The following PCDHB14 variants were observed in gnomAD, a reference collection of about 807,000 sequenced individuals.
PCDHB14 encodes protocadherin beta 14, also known as protocadherin beta-14.
For missense variants in PCDHB14, 1,129 were observed against 1,000.5 expected, an observed-to-expected ratio of 1.13 and a Z score of -1.73; for synonymous variants, 511 against 441.5, an observed-to-expected ratio of 1.16 and a Z score of -1.97.
chr5:141,224,853 A>T lies in PCDHB14; in HGVS notation c.1348A>T (p.Thr450Ser). The change falls in exon 1 of 1, where the codon ACC becomes TCC. Residue 450 changes from threonine (T) to serine (S), a missense_variant. Coordinates refer to ENST00000239449, the MANE Select transcript of PCDHB14 (RefSeq NM_018934.4). ...LLSDVNDNAP[T>S]FTQTSYTLFV... is the part of the protein sequence containing the mutation. ...CTCTGACGTCAATGACAACGCCCCCACCTTCACCCAAACCTCCTACACCCT... is the reference window on the plus strand; with the variant it reads ...CTCTGACGTCAATGACAACGCCCCCTCCTTCACCCAAACCTCCTACACCCT... 1 of 1,613,588 alleles carries T rather than the reference A, an allele frequency of 6.2e-7. No individual in the cohort carries two copies. The highest frequency in any genetic ancestry group is 8.5e-7 in the Non-Finnish European group (1 of 1,179,992).
In PCDHB14 at chr5:141,226,567, CT is replaced by C. The variant is rs1754866192; in HGVS notation, c.*666del. 2 of 152,068 alleles carry C rather than the reference CT, an allele frequency of 1.3e-5. No homozygotes were observed. Among genetic ancestry groups the C allele is most frequent in the East Asian group, 3.9e-4 (2 of 5,182 alleles). 9.4% of individuals were successfully genotyped at this position (152,068 alleles called of 1,614,324 possible). On this transcript the variant is annotated 3_prime_UTR_variant, in exon 1 of 1. Transcript: ENST00000239449. ...ACTCTTTGGTTTTCTTAATTTAATT[CT>C]ATTTATTTATGTTTTTTGAGACAGG...
Position 141,225,533 on chromosome 5 carries a change from G to A in PCDHB14, c.2028G>A (p.Ala676=), listed in dbSNP as rs1554289519. 1.9e-6 allele frequency: 3 copies of A among 1,609,684 alleles called. No homozygotes were observed. The highest frequency in any genetic ancestry group is 1.7e-5 in the Admixed American group (1 of 59,998). Residue 676 remains alanine (A), a synonymous_variant, in exon 1 of 1, where the codon GCG becomes GCA. Coordinates refer to ENST00000239449, the MANE Select transcript of PCDHB14 (RefSeq NM_018934.4). ...AGCCCTACCTGCCGCTCCCTGAGGC[G>A]GCCCCGGCCCAGGCCCAGGCCGACT... is the stretch of plus-strand genomic sequence containing the variant. The part of the protein sequence containing the change: ...FSQPYLPLPE[A]APAQAQADSL...
In PCDHB14 at chr5:141,225,043, T is replaced by C; in HGVS notation, c.1538T>C (p.Leu513Pro). Residue 513 changes from leucine to proline, a missense_variant, in exon 1 of 1, where the codon CTG becomes CCG. Coordinates refer to ENST00000239449, the MANE Select transcript of PCDHB14 (RefSeq NM_018934.4). Reference protein sequence around the residue: ...LVSINADNGHLFALRSLDYEA... With the variant: ...LVSINADNGHPFALRSLDYEA... ...TCCATCAACGCGGACAATGGCCACC[T>C]GTTTGCCCTCAGGTCGCTGGACTAC... 3 of 1,612,568 alleles carry C rather than the reference T, an allele frequency of 1.9e-6. No individual in the cohort carries two copies. Among genetic ancestry groups the C allele is most frequent in the Non-Finnish European group, 2.5e-6 (3 of 1,179,984 alleles).
rs375603265 is a variant in PCDHB14 at position 141,223,656 on chromosome 5, G to A, written c.151G>A (p.Asp51Asn). ...CTCTTTTGTGGCTAATCTAGCGAGG[G>A]ACCTAGGGCTGGGGGTGGAGGAGCT... The part of the protein sequence containing the change: ...IGSFVANLAR[D>N]LGLGVEELSS... The change falls in exon 1 of 1, where the codon GAC becomes AAC. Residue 51 changes from aspartate to asparagine, a missense_variant. By Grantham distance (23) the Asp-to-Asn change is conservative. Transcript: ENST00000239449. The A allele has an allele frequency of 6.2e-7, 1 of 1,614,176 alleles. No homozygotes were observed. Among genetic ancestry groups the A allele is most frequent in the African/African-American group, 1.3e-5 (1 of 75,050 alleles).
rs1373514137 is a variant in PCDHB14, at chr5:141,223,526, C to A, written c.21C>A (p.Leu7=). 3.7e-6 allele frequency: 6 copies of A among 1,610,670 alleles called. No homozygotes were observed. The highest frequency in any genetic ancestry group is 1.3e-5 in the African/African-American group (1 of 74,806). Residue 7 remains leucine (L), a synonymous_variant, in exon 1 of 1, where the codon CTC becomes CTA. Coordinates refer to ENST00000239449, the MANE Select transcript of PCDHB14 (RefSeq NM_018934.4). ...GAACCATGGAGATCAGAGGGGCACTCGATCTGCGAAAAAGGCAAGTTCTAA... is the reference window on the plus strand; with the variant it reads ...GAACCATGGAGATCAGAGGGGCACTAGATCTGCGAAAAAGGCAAGTTCTAA... MEIRGA[L]DLRKRQVLIF...
chr5:141,223,863 G>C lies in PCDHB14; in HGVS notation c.358G>C (p.Glu120Gln). Reference protein sequence around the residue: ...LENPLQFFRFELCVKDINDHS... With the variant: ...LENPLQFFRFQLCVKDINDHS... Reference sequence around the variant, plus strand: ...AAACCCTTTACAGTTTTTTCGGTTTGAGCTGTGTGTCAAAGACATAAATGA... The same window carrying C: ...AAACCCTTTACAGTTTTTTCGGTTTCAGCTGTGTGTCAAAGACATAAATGA... The change falls in exon 1 of 1, where the codon GAG (glutamate) becomes CAG (glutamine). Residue 120 changes from glutamate to glutamine, a missense_variant. Coordinates refer to ENST00000239449, the MANE Select transcript of PCDHB14 (RefSeq NM_018934.4). 1.2e-6 allele frequency: 2 copies of C among 1,612,540 alleles called. No individual in the cohort carries two copies. Among genetic ancestry groups the C allele is most frequent in the Non-Finnish European group, 8.5e-7 (1 of 1,179,614 alleles).
chr5:141,225,365 C>G lies in PCDHB14; in HGVS notation c.1860C>G (p.His620Gln). 1.9e-6 allele frequency: 3 copies of G among 1,603,668 alleles called. No individual in the cohort carries two copies. Among genetic ancestry groups the G allele is most frequent in the Non-Finnish European group, 2.5e-6 (3 of 1,179,290 alleles). Residue 620 changes from histidine to glutamine, a missense_variant, in exon 1 of 1, where the codon CAC becomes CAG. Transcript: ENST00000239449. Reference protein sequence around the residue: ...TEPGLFGVWAHNGEVRTARLL... With the variant: ...TEPGLFGVWAQNGEVRTARLL... ...CCGGGCTGTTCGGCGTGTGGGCGCA[C>G]AATGGCGAGGTGCGCACCGCCAGGC...
Position 141,225,948 on chromosome 5 carries a change from T to C in PCDHB14, c.*46T>C, listed in dbSNP as rs1754852387. 4.0e-6 allele frequency: 6 copies of C among 1,504,830 alleles called. No individual in the cohort carries two copies. The highest frequency in any genetic ancestry group is 5.4e-6 in the Non-Finnish European group (6 of 1,104,544). The allele number at this position is 1,504,830 out of a possible 1,614,324, so 93.2% of individuals were successfully genotyped here. On this transcript the variant is annotated 3_prime_UTR_variant, in exon 1 of 1. Coordinates refer to ENST00000239449, the MANE Select transcript of PCDHB14 (RefSeq NM_018934.4). The stretch of plus-strand genomic sequence containing the variant: ...TAATTTTTGGTTATTCTTGGCAAGC[T>C]GATGGTACTTTTTGCATAATCTTTT...
At position 141,225,785 on chromosome 5, in the gene PCDHB14, G is replaced by T. The variant is rs782703424; in HGVS notation, c.2280G>T (p.Gly760=). 1.9e-6 allele frequency: 3 copies of T among 1,614,202 alleles called. No individual in the cohort carries two copies. Among genetic ancestry groups the T allele is most frequent in the Non-Finnish European group, 2.5e-6 (3 of 1,180,040 alleles). Residue 760 remains glycine (G), a synonymous_variant, in exon 1 of 1, where the codon GGG becomes GGT. Coordinates refer to ENST00000239449, the MANE Select transcript of PCDHB14 (RefSeq NM_018934.4). ...QYEVCLTGGS[G]TNEFKFLKPI... ...AGGTGTGTCTGACAGGAGGTTCCGG[G>T]ACAAATGAGTTCAAATTTCTGAAGC...
rs782428913 is a variant in PCDHB14 at position 141,224,756 on chromosome 5, C to A, written c.1251C>A (p.Tyr417Ter). 1.2e-6 allele frequency: 2 copies of A among 1,614,180 alleles called. No homozygotes were observed. The highest frequency in any genetic ancestry group is 1.7e-6 in the Non-Finnish European group (2 of 1,180,028). Reference sequence around the variant, plus strand: ...TGGACAGAGAGAGCCAAGCCGAGTACAACATCACGATCACCGTCACAGACT... The same window carrying A: ...TGGACAGAGAGAGCCAAGCCGAGTAAAACATCACGATCACCGTCACAGACT... ...KALDRESQAE[Y>*]NITITVTDLG... is the part of the protein sequence containing the mutation. Residue 417 changes from tyrosine (Y) to a stop codon, truncating the protein, a stop_gained, in exon 1 of 1, where the codon TAC (tyrosine) becomes TAA (stop). Coordinates refer to ENST00000239449, the MANE Select transcript of PCDHB14 (RefSeq NM_018934.4). LOFTEE classifies it low-confidence loss of function (END_TRUNC).
At position 141,225,193 on chromosome 5, in the gene PCDHB14, A is replaced by G. The variant is rs143270365; in HGVS notation, c.1688A>G (p.Tyr563Cys). The G allele has an allele frequency of 5.0e-6, 8 of 1,608,838 alleles. No homozygotes were observed. Among genetic ancestry groups the G allele is most frequent in the African/African-American group, 1.3e-5 (1 of 74,730 alleles). ...AACGACAACTCGCCCTTCGTGCTGTACCCGCTGCAGAACGGCTCCGCGCCC... is the reference window on the plus strand; with the variant it reads ...AACGACAACTCGCCCTTCGTGCTGTGCCCGCTGCAGAACGGCTCCGCGCCC... Reference protein sequence around the residue: ...DANDNSPFVLYPLQNGSAPCT... With the variant: ...DANDNSPFVLCPLQNGSAPCT... Residue 563 changes from tyrosine to cysteine, a missense_variant, in exon 1 of 1, where the codon TAC becomes TGC. Tyr to Cys is a radical substitution (Grantham distance 194). Transcript: ENST00000239449.
At position 141,225,932 on chromosome 5, in the gene PCDHB14, G is replaced by T. The variant is rs782420667; in HGVS notation, c.*30G>T. 21 of 1,560,560 alleles carry T rather than the reference G, an allele frequency of 1.3e-5. No individual in the cohort carries two copies. The highest frequency in any genetic ancestry group is 9.0e-5 in the Admixed American group (5 of 55,302). On this transcript the variant is annotated 3_prime_UTR_variant, in exon 1 of 1. Transcript: ENST00000239449. ...ATTTATTTTAAATGTCTAATTTTTG[G>T]TTATTCTTGGCAAGCTGATGGTACT... is the stretch of plus-strand genomic sequence containing the variant.
rs1564000836 is a variant in PCDHB14, at chr5:141,225,072, GCCCTAC to G, written c.1568_1573del (p.Ala523_Gln525delinsGlu). On this transcript the variant is annotated inframe_deletion, in exon 1 of 1. Coordinates refer to ENST00000239449, the MANE Select transcript of PCDHB14 (RefSeq NM_018934.4). ...TGCCCTCAGGTCGCTGGACTACGAG[GCCCTAC>G]AGGAGTTCGAGTTTCGCGTGGGCGC... 1 of 1,612,390 alleles carries G rather than the reference GCCCTAC, an allele frequency of 6.2e-7. No homozygotes were observed. The highest frequency in any genetic ancestry group is 2.2e-5 in the East Asian group (1 of 44,874).
chr5:141,225,195 C>A lies in PCDHB14; in HGVS notation c.1690C>A (p.Pro564Thr), dbSNP rs782176746. 9.3e-6 allele frequency: 15 copies of A among 1,609,240 alleles called. No homozygotes were observed. The highest frequency in any genetic ancestry group is 1.3e-5 in the Non-Finnish European group (15 of 1,179,448). The change falls in exon 1 of 1, where the codon CCG becomes ACG. Residue 564 changes from proline to threonine, a missense_variant. Physicochemically the swap from Pro to Thr is conservative, Grantham distance 38. Coordinates refer to ENST00000239449, the MANE Select transcript of PCDHB14 (RefSeq NM_018934.4). ...ANDNSPFVLY[P>T]LQNGSAPCTE... ...CGACAACTCGCCCTTCGTGCTGTAC[C>A]CGCTGCAGAACGGCTCCGCGCCCTG...
In PCDHB14 at chr5:141,224,072, G is replaced by A; in HGVS notation, c.567G>A (p.Lys189=). 6.2e-7 allele frequency: 1 copy of A among 1,614,032 alleles called. No individual in the cohort carries two copies. The highest frequency in any genetic ancestry group is 8.5e-7 in the Non-Finnish European group (1 of 1,180,018). Residue 189 remains lysine (K), a synonymous_variant, in exon 1 of 1, where the codon AAG becomes AAA. Transcript: ENST00000239449. ...YIKIPDSSDR[K]IYPELVLDRA... is the part of the protein sequence containing the mutation. ...AAATTCCCGACAGTAGTGACAGAAA[G>A]ATATACCCAGAGCTGGTCCTAGATA...
At position 141,224,451 on chromosome 5, in the gene PCDHB14, A is replaced by T; in HGVS notation, c.946A>T (p.Thr316Ser). ...GGATTTTGAAGTAATACAGTCCTAC[A>T]CTATAAATATTCAGGCAACAGATGG... ...PLDFEVIQSY[T>S]INIQATDGGG... Residue 316 changes from threonine to serine, a missense_variant, in exon 1 of 1, where the codon ACT (threonine) becomes TCT (serine). Coordinates refer to ENST00000239449, the MANE Select transcript of PCDHB14 (RefSeq NM_018934.4). 1.2e-6 allele frequency: 2 copies of T among 1,611,490 alleles called. No homozygotes were observed. The highest frequency in any genetic ancestry group is 8.5e-7 in the Non-Finnish European group (1 of 1,178,896).
chr5:141,223,493 G>A lies in PCDHB14; in HGVS notation c.-13G>A. The A allele has an allele frequency of 6.4e-7, 1 of 1,571,340 alleles. No homozygotes were observed. The highest frequency in any genetic ancestry group is 8.7e-7 in the Non-Finnish European group (1 of 1,155,330). ...AGCTTCAGTTTTTCCACAAGAGATT[G>A]CCTAAAGGAACCATGGAGATCAGAG... On this transcript the variant is annotated 5_prime_UTR_variant, in exon 1 of 1. Coordinates refer to ENST00000239449, the MANE Select transcript of PCDHB14 (RefSeq NM_018934.4).
In PCDHB14 at chr5:141,224,208, A is replaced by G. The variant is rs782483060; in HGVS notation, c.703A>G (p.Ile235Val). 1.2e-5 allele frequency: 20 copies of G among 1,613,792 alleles called. No homozygotes were observed. In the East Asian group the frequency reaches 3.6e-4, roughly 29 times the overall value. ...TTTGGTTCTCATCAAGGTGTTGGAC[A>G]TCAATGATAATGCCCCTGAGTTTCC... Reference protein sequence around the residue: ...TTLVLIKVLDINDNAPEFPQS... With the variant: ...TTLVLIKVLDVNDNAPEFPQS... The change falls in exon 1 of 1, where the codon ATC (isoleucine) becomes GTC (valine). Residue 235 changes from isoleucine to valine, a missense_variant. Transcript: ENST00000239449.
Position 141,225,529 on chromosome 5 carries a change from A to G in PCDHB14, c.2024A>G (p.Glu675Gly). Residue 675 changes from glutamate to glycine, a missense_variant, in exon 1 of 1, where the codon GAG (glutamate) becomes GGG (glycine). Glu to Gly is a moderately conservative substitution (Grantham distance 98). Coordinates refer to ENST00000239449, the MANE Select transcript of PCDHB14 (RefSeq NM_018934.4). ...GFSQPYLPLP[E>G]AAPAQAQADS... Reference sequence around the variant, plus strand: ...TCCCAGCCCTACCTGCCGCTCCCTGAGGCGGCCCCGGCCCAGGCCCAGGCC... The same window carrying G: ...TCCCAGCCCTACCTGCCGCTCCCTGGGGCGGCCCCGGCCCAGGCCCAGGCC... 6.2e-7 allele frequency: 1 copy of G among 1,609,600 alleles called. No homozygotes were observed. The highest frequency in any genetic ancestry group is 8.5e-7 in the Non-Finnish European group (1 of 1,179,764).
Sources: allele counts gnomAD v4.1 joint callset, GRCh38; gene constraint gnomAD v4.1.1; transcripts MANE v1.5; gene names NCBI Gene and HGNC (gene_info 2026-07-23, HGNC 2026-07-21).